The following LRP5 variants were observed in gnomAD, a reference collection of about 807,000 sequenced individuals.
LRP5 encodes the protein low-density lipoprotein receptor-related protein 5.
A neutral mutation model predicts 154.1 loss-of-function variants in LRP5; 62 were observed. The observed-to-expected ratio is 0.40, with a 90% CI of 0.33 to 0.50. The LOEUF is 0.50. Among genes scored for constraint, LRP5 ranks in the 20% least tolerant of loss-of-function variants. LRP5 has a pLI of 0.55. For synonymous variants in LRP5, 966 were observed against 1,011.5 expected (o/e 0.96, Z 0.85); for missense variants, 1,915 against 2,336.7 (o/e 0.82, Z 3.72).
the LRP5 span, among the ~76,000 whole-genome samples, chr11:68,306,355 C>T: frequency 3.9e-5 from 6 of 151,920 alleles, no homozygotes; most frequent in South Asian, 4.2e-4. Context: ...AGGCTGCTCT[C>T]GAACTCATGA....
At chr11:68,306,188 T>C in the LRP5 span, among the ~76,000 whole-genome samples, 1 of 152,250 alleles carries the variant, frequency 6.6e-6, no homozygotes, top group Middle Eastern at 3.4e-3. Flanking sequence ...CAGGCTGGAG[T>C]GCAGTGGCGC....
chr11:68,448,578 G>C (rs1352006437), intron 22 of LRP5, among the ~76,000 whole-genome samples: 1 of 152,202 alleles, frequency 6.6e-6, no homozygotes. Context: ...CCCAGGCTTG[G>C]CAGGCTGCAG....
chr11:68,360,953 C>T (rs573266468), intron 3 of LRP5, among the ~76,000 whole-genome samples: 37 of 141,582 alleles, frequency 2.6e-4, no homozygotes, highest in African/African-American at 8.5e-4. Flanking sequence ...GCTGAGATCC[C>T]GCCACTGCAC....
At chr11:68,309,710 A>G (rs2098586609), upstream of LRP5, among the ~76,000 whole-genome samples, 1 of 151,648 alleles carries the variant, frequency 6.6e-6, no homozygotes, top group Admixed American at 6.6e-5. Flanking sequence ...ACTTTGGGCC[A>G]GTTGTAATGT....
intron 5 of LRP5, among the ~76,000 whole-genome samples, chr11:68,378,175 G>GA (rs1358284500): frequency 7.2e-5 from 11 of 151,888 alleles, no homozygotes; most frequent in Admixed American, 2.6e-4. Context: ...GTTTGTTTGT[G>GA]AAAAAACCTG....
In LRP5 at chr11:68,416,502, A is replaced by G; in HGVS notation, c.3002A>G (p.Lys1001Arg). Residue 1001 changes from lysine to arginine, a missense_variant, in exon 13 of 23, where the codon AAG becomes AGG. Lys to Arg is a conservative substitution (Grantham distance 26). This residue lies in a region of LRP5 where 1,094 missense variants were observed against 1,210.1 expected (regional missense o/e 0.90). Transcript: ENST00000294304. The stretch of plus-strand genomic sequence containing the variant: ...TGGGTGGATGGGCGCCAGAACATCA[A>G]GCGAGCCAAGGACGACGGGACCCAG... Reference protein sequence around the residue: ...IYWVDGRQNIKRAKDDGTQPF... With the variant: ...IYWVDGRQNIRRAKDDGTQPF... 6.2e-7 allele frequency: 1 copy of G among 1,613,926 alleles called. No individual in the cohort carries two copies.
chr11:68,306,768 T>C, the LRP5 span, among the ~76,000 whole-genome samples: 4 of 152,212 alleles, frequency 2.6e-5, no homozygotes, highest in Admixed American at 6.5e-5. Context: ...TCACTACTCA[T>C]GTGGGCCTGC....
At chr11:68,360,671 A>T (rs918612678) in intron 3 of LRP5, among the ~76,000 whole-genome samples, 19 of 152,186 alleles carry the variant, frequency 1.2e-4, no homozygotes, top group Non-Finnish European at 2.8e-4. Flanking sequence ...GGAGCAACCG[A>T]GAGTGATGGG....
At chr11:68,400,097 G>T (rs2098651801) in intron 7 of LRP5, among the ~76,000 whole-genome samples, 1 of 152,134 alleles carries the variant, frequency 6.6e-6, no homozygotes, top group African/African-American at 2.4e-5. Flanking sequence ...GATTCCGCAG[G>T]CCCTGCCGGC....
intron 3 of LRP5, among the ~76,000 whole-genome samples, chr11:68,362,543 TAGCTG>T (rs2098628662): frequency 6.6e-6 from 1 of 151,902 alleles, no homozygotes. Flanking sequence ...CCCCAAAAAT[TAGCTG>T]GGTGTGGTGG....
chr11:68,327,125 C>A (rs1281649380), intron 1 of LRP5, among the ~76,000 whole-genome samples: 3 of 152,332 alleles, frequency 2.0e-5, no homozygotes, highest in Non-Finnish European at 2.9e-5. Context: ...GGGATCCCAC[C>A]CATGAGCAGT....
rs142614321 is a variant in LRP5, at chr11:68,326,885, G to A, written c.91+14080G>A. 5.1e-3 allele frequency among the ~76,000 whole-genome samples: 779 copies of A among 152,308 alleles called. 10 individuals are homozygous for A. The highest frequency in any genetic ancestry group is 0.03 in the East Asian group (157 of 5,180). ...GGTCCCCGGGGAGGCATGGAGTCTCGCTCCTAGGTTGCTGTGTGGCTTCAG... is the reference window on the plus strand; with the variant it reads ...GGTCCCCGGGGAGGCATGGAGTCTCACTCCTAGGTTGCTGTGTGGCTTCAG... On this transcript the variant is annotated intron_variant, in intron 1 of 22. Coordinates refer to ENST00000294304, the MANE Select transcript of LRP5 (RefSeq NM_002335.4).
chr11:68,325,663 C>T (rs2098599233), intron 1 of LRP5, among the ~76,000 whole-genome samples: 1 of 152,226 alleles, frequency 6.6e-6, no homozygotes, highest in Admixed American at 6.5e-5. Context: ...GGGTCGGGGT[C>T]CTGGGGGTTG....
rs369132086 is a variant in LRP5 at position 68,411,840 on chromosome 11, G to A, written c.2503+220G>A. Reference sequence around the variant, plus strand: ...CTGCAGTTATGTCGGGAGAGGCTCTGGTGACAGCTGTTTCCTGTGCACCTG... The same window carrying A: ...CTGCAGTTATGTCGGGAGAGGCTCTAGTGACAGCTGTTTCCTGTGCACCTG... On this transcript the variant is annotated intron_variant, in intron 11 of 22. Transcript: ENST00000294304. Among the ~76,000 whole-genome samples, 68 of 152,330 alleles carry A rather than the reference G, an allele frequency of 4.5e-4. No homozygotes were observed. In the Middle Eastern group the frequency reaches 0.01, roughly 23 times the overall value.
chr11:68,332,970 C>T (rs911520225), intron 1 of LRP5, among the ~76,000 whole-genome samples: 2 of 152,124 alleles, frequency 1.3e-5, no homozygotes, highest in African/African-American at 4.8e-5. Context: ...TTAAAGGAAA[C>T]CCAAGATTTT....
intron 10 of LRP5, among the ~76,000 whole-genome samples, chr11:68,411,028 C>T (rs927187965): frequency 6.6e-6 from 1 of 152,152 alleles, no homozygotes; most frequent in African/African-American, 2.4e-5. Flanking sequence ...GCCGAGTTTA[C>T]ATCCGGATCC....
rs147438473 is a variant in LRP5 at position 68,424,319 on chromosome 11, G to A, written c.3236+622G>A. On this transcript the variant is annotated intron_variant, in intron 14 of 22. Transcript: ENST00000294304. ...CTACAGCCAGCACAGGTCCTGGGCC[G>A]GGAGCCCAGAGATTGAGCCCTGACT... 2.9e-3 allele frequency among the ~76,000 whole-genome samples: 444 copies of A among 152,342 alleles called. 2 individuals carry two copies. Among genetic ancestry groups the A allele is most frequent in the African/African-American group, 0.01 (422 of 41,588 alleles).
At position 68,406,609 on chromosome 11, in the gene LRP5, C is replaced by G; in HGVS notation, c.1887C>G (p.Ile629Met). Residue 629 changes from isoleucine to methionine, a missense_variant, in exon 9 of 23, where the codon ATC (isoleucine) becomes ATG (methionine). By Grantham distance (10) the Ile-to-Met change is conservative. Around this residue, in one of 3 missense-constraint regions of LRP5, gnomAD observed 773 missense variants for 1,100.9 expected, o/e 0.70. Coordinates refer to ENST00000294304, the MANE Select transcript of LRP5 (RefSeq NM_002335.4). Reference sequence around the variant, plus strand: ...ACGCAACCCGGTGTGGCTGCCCCATCGGCCTGGAGCTGCTGAGTGACATGA... The same window carrying G: ...ACGCAACCCGGTGTGGCTGCCCCATGGGCCTGGAGCTGCTGAGTGACATGA... ...TPHATRCGCP[I>M]GLELLSDMKT... 1 of 1,614,154 alleles carries G rather than the reference C, an allele frequency of 6.2e-7. No individual in the cohort carries two copies. Among genetic ancestry groups the G allele is most frequent in the South Asian group, 1.1e-5 (1 of 91,088 alleles).
intron 6 of LRP5, among the ~76,000 whole-genome samples, chr11:68,389,222 C>G (rs79177502): frequency 6.6e-6 from 1 of 152,148 alleles, no homozygotes; most frequent in African/African-American, 2.4e-5. Context: ...ACGCTGGCAT[C>G]TACTGACACC....
Sources: gnomAD v4.1 joint callset for allele counts (sites outside exome capture counted in the v4.1 genomes callset) on GRCh38, gnomAD v4.1.1 for gene constraint, gnomAD v4.1.1 regional missense constraint, MANE v1.5 for transcripts, NCBI Gene and HGNC (gene_info 2026-07-23, HGNC 2026-07-21) for gene names.